The following RPTOR variants were observed in gnomAD, a reference collection of about 807,000 sequenced individuals.
RPTOR encodes the protein regulatory associated protein of MTOR complex 1, also known as regulatory-associated protein of mTOR.
Under a neutral mutation model 169.9 loss-of-function variants are expected in RPTOR, and 21 were observed. The ratio of observed to expected loss-of-function variants is 0.12; its 90% CI spans 0.09 to 0.18. The LOEUF (loss-of-function observed/expected upper bound fraction) is 0.18, where lower values mean the gene tolerates loss of function less well. Ranked by LOEUF, RPTOR falls within the 10% of genes least tolerant of loss-of-function variation. RPTOR has a pLI of 1.00. For synonymous variants in RPTOR, 732 were observed against 753.2 expected (o/e 0.97, Z 0.46); for missense variants, 1,133 against 1,855.9 (o/e 0.61, Z 7.16).
chr17:80,764,944 A>G (rs944936405), intron 6 of RPTOR, among the ~76,000 whole-genome samples: 1 of 152,228 alleles, frequency 6.6e-6, no homozygotes, highest in Non-Finnish European at 1.5e-5. Flanking sequence ...TCACAGCCAA[A>G]TGTTAGTAAT....
At chr17:80,934,963 G>A (rs773276843) in intron 24 of RPTOR, among the ~76,000 whole-genome samples, 1 of 151,208 alleles carries the variant, frequency 6.6e-6, no homozygotes, top group Non-Finnish European at 1.5e-5. Flanking sequence ...AGGCAAGGAG[G>A]ATCGCTTGAG....
chr17:80,586,432 A>G (rs2065061126), intron 1 of RPTOR, among the ~76,000 whole-genome samples: 1 of 152,148 alleles, frequency 6.6e-6, no homozygotes, highest in Admixed American at 6.5e-5. Flanking sequence ...TTTTCACTCC[A>G]CTTTCCATTT....
intron 1 of RPTOR, among the ~76,000 whole-genome samples, chr17:80,572,149 G>A (rs897244815): frequency 6.6e-6 from 1 of 152,140 alleles, no homozygotes; most frequent in African/African-American, 2.4e-5. Context: ...CCAGGTGGGA[G>A]TGCAGTGGCA....
intron 18 of RPTOR, among the ~76,000 whole-genome samples, chr17:80,892,273 C>G (rs1405156123): frequency 6.6e-6 from 1 of 152,084 alleles, no homozygotes; most frequent in Non-Finnish European, 1.5e-5. Flanking sequence ...GCCGGCAGCC[C>G]CTCCCGCTTC....
At chr17:80,881,855 A>G (rs1456405124) in intron 14 of RPTOR, among the ~76,000 whole-genome samples, 1 of 152,206 alleles carries the variant, frequency 6.6e-6, no homozygotes, top group East Asian at 1.9e-4. Flanking sequence ...ATATTCTTAA[A>G]TGACTGACTA....
intron 21 of RPTOR, among the ~76,000 whole-genome samples, chr17:80,912,694 C>T (rs1214883401): frequency 2.0e-5 from 3 of 152,168 alleles, no homozygotes; most frequent in Admixed American, 1.3e-4. Flanking sequence ...TGTAGCTGGA[C>T]GGCCCGCCCC....
chr17:80,835,452 C>T (rs2067553216), intron 9 of RPTOR, among the ~76,000 whole-genome samples: 1 of 152,306 alleles, frequency 6.6e-6, no homozygotes, highest in African/African-American at 2.4e-5. Context: ...CTGATCATCA[C>T]TCGGTTTCCA....
chr17:80,704,934 G>A lies in RPTOR; in HGVS notation c.349-2907G>A, dbSNP rs144065353. 9.0e-3 allele frequency among the ~76,000 whole-genome samples: 1,368 copies of A among 152,386 alleles called. 17 individuals are homozygous for A. Among genetic ancestry groups the A allele is most frequent in the African/African-American group, 0.027 (1,140 of 41,592 alleles). On this transcript the variant is annotated intron_variant, in intron 3 of 33. Transcript: ENST00000306801. ...AGAAGGAATTTTGTAGGAGAGCTGG[G>A]CATTGAACAGGCTCCTCCAGAACAT...
chr17:80,782,875 A>G (rs913720391), intron 6 of RPTOR, among the ~76,000 whole-genome samples: 4 of 152,226 alleles, frequency 2.6e-5, no homozygotes, highest in Non-Finnish European at 5.9e-5. Flanking sequence ...GTAAAAACAC[A>G]TTAATATTTG....
At chr17:80,946,133 A>G (rs2069100757) in intron 26 of RPTOR, among the ~76,000 whole-genome samples, 1 of 152,184 alleles carries the variant, frequency 6.6e-6, no homozygotes, top group Non-Finnish European at 1.5e-5. Flanking sequence ...GTGATAGACA[A>G]GCAGTAAGAA....
At chr17:80,644,039 A>C (rs757478708) in intron 3 of RPTOR, among the ~76,000 whole-genome samples, 2 of 152,230 alleles carry the variant, frequency 1.3e-5, no homozygotes, top group Non-Finnish European at 2.9e-5. Flanking sequence ...GGACAGTCCA[A>C]CTTATTTTGC....
chr17:80,634,252 A>ATACTGTG (rs2065468219), intron 2 of RPTOR, among the ~76,000 whole-genome samples: 1 of 112,686 alleles, frequency 8.9e-6, no homozygotes, highest in African/African-American at 3.7e-5. Context: ...TGCATACTGT[A>ATACTGTG]TGCGTGCATA....
chr17:80,616,336 C>G, intron 1 of RPTOR, among the ~76,000 whole-genome samples: 1 of 127,110 alleles, frequency 7.9e-6, no homozygotes, highest in Admixed American at 9.0e-5. Flanking sequence ...GAGTCTCACT[C>G]TGTTGCCCAG....
At chr17:80,563,026 G>A (rs1187723828) in intron 1 of RPTOR, among the ~76,000 whole-genome samples, 1 of 152,152 alleles carries the variant, frequency 6.6e-6, no homozygotes, top group African/African-American at 2.4e-5. Context: ...ATAGTGGGCC[G>A]TTTCCATGGT....
intron 3 of RPTOR, among the ~76,000 whole-genome samples, chr17:80,665,305 T>C (rs1229491710): frequency 6.6e-6 from 1 of 151,016 alleles, no homozygotes; most frequent in African/African-American, 2.5e-5. Context: ...TGTTTTCTTC[T>C]TGAGAAAATT....
At chr17:80,725,762 G>A (rs924769818) in intron 4 of RPTOR, among the ~76,000 whole-genome samples, 11 of 152,160 alleles carry the variant, frequency 7.2e-5, no homozygotes, top group Admixed American at 3.3e-4. Flanking sequence ...ATCAGGATTC[G>A]CTATCAAAGG....
chr17:80,737,079 G>C (rs935140372), intron 5 of RPTOR, among the ~76,000 whole-genome samples: 2 of 152,174 alleles, frequency 1.3e-5, no homozygotes, highest in Non-Finnish European at 2.9e-5. Context: ...TGAAGAAGAT[G>C]CTTTCCCCTT....
intron 3 of RPTOR, among the ~76,000 whole-genome samples, chr17:80,686,687 C>T (rs182945227): frequency 4.6e-5 from 7 of 152,224 alleles, no homozygotes; most frequent in African/African-American, 9.6e-5. Flanking sequence ...TCTCTTCTAA[C>T]GAGGCCGGTG....
chr17:80,651,454 A>C lies in RPTOR; in HGVS notation c.348+7644A>C, dbSNP rs1355255551. Reference sequence around the variant, plus strand: ...ACCATATGTCACAGTGGTGTTCATGAATTTGGGTGTTCACAAGGGCTTCTG... The same window carrying C: ...ACCATATGTCACAGTGGTGTTCATGCATTTGGGTGTTCACAAGGGCTTCTG... On this transcript the variant is annotated intron_variant, in intron 3 of 33. Coordinates refer to ENST00000306801, the MANE Select transcript of RPTOR (RefSeq NM_020761.3). This position sits in a 1 kb window ranked among gnomAD's most constrained non-coding sequence, Gnocchi z 4.1. 6.6e-6 allele frequency among the ~76,000 whole-genome samples: 1 copy of C among 152,162 alleles called. No homozygotes were observed. Among genetic ancestry groups the C allele is most frequent in the Non-Finnish European group, 1.5e-5 (1 of 68,020 alleles).
Sources: gnomAD v4.1 joint callset for allele counts (sites outside exome capture counted in the v4.1 genomes callset) on GRCh38, gnomAD v4.1.1 for gene constraint, Gnocchi (gnomAD v3.1) non-coding constraint, MANE v1.5 for transcripts, NCBI Gene and HGNC (gene_info 2026-07-23, HGNC 2026-07-21) for gene names.